EBF1: variants seen among roughly 807,000 people sequenced by gnomAD.
The protein encoded by EBF1 is EBF transcription factor 1.
A neutral mutation model predicts 68.4 loss-of-function variants in EBF1; 10 were observed. The observed-to-expected ratio is 0.15, with a 90% CI of 0.09 to 0.25. The LOEUF is 0.25. Among genes scored for constraint, EBF1 ranks in the 10% least tolerant of loss-of-function variants. The pLI, the probability that EBF1 is intolerant of heterozygous loss-of-function variation, is 1.00. For synonymous variants in EBF1, 298 were observed against 299.8 expected, an observed-to-expected ratio of 0.99 and a Z score of 0.06; for missense variants, 509 against 794.4, an observed-to-expected ratio of 0.64 and a Z score of 4.32.
intron 8 of EBF1, among the ~76,000 whole-genome samples, chr5:158,817,644 C>T (rs1435797569): frequency 1.3e-5 from 2 of 152,320 alleles, no homozygotes; most frequent in African/African-American, 4.8e-5. Flanking sequence ...TAGTAAAAAC[C>T]TACTCATCTC....
intron 8 of EBF1, among the ~76,000 whole-genome samples, chr5:158,810,606 G>C (rs1582100301): frequency 6.6e-6 from 1 of 152,076 alleles, no homozygotes; most frequent in East Asian, 1.9e-4. Context: ...GAAAAATGTG[G>C]GTTTGAACAA....
In EBF1 at chr5:158,696,400, G is replaced by T. The variant is rs538533085; in HGVS notation, c.*2711C>A. 1 of 221,912 alleles carries T rather than the reference G, an allele frequency of 4.5e-6. No individual in the cohort carries two copies. The highest frequency in any genetic ancestry group is 6.5e-5 in the East Asian group (1 of 15,346). The allele number at this position is 221,912 out of a possible 1,614,324, so 13.7% of individuals were successfully genotyped here. On this transcript the variant is annotated 3_prime_UTR_variant, in exon 16 of 16. Coordinates refer to ENST00000313708, the MANE Select transcript of EBF1 (RefSeq NM_024007.5). The stretch of plus-strand genomic sequence containing the variant: ...TTTTAAAGGCTCTTTGGACTTTCAA[G>T]AAGAGTTCTAACCACTGCACATGGC...
At chr5:158,706,125 T>C (rs781711734) in intron 15 of EBF1, among the ~76,000 whole-genome samples, 18 of 152,056 alleles carry the variant, frequency 1.2e-4, no homozygotes, top group Non-Finnish European at 2.2e-4. Context: ...TGGGTGGCTC[T>C]ACTTTGTGGA....
At chr5:158,824,737 G>A (rs1251013093) in intron 7 of EBF1, among the ~76,000 whole-genome samples, 1 of 152,218 alleles carries the variant, frequency 6.6e-6, no homozygotes, top group African/African-American at 2.4e-5. Flanking sequence ...AGGGGAAAAC[G>A]CCAGGCCCTG....
chr5:158,844,046 A>G (rs765467630), intron 6 of EBF1, among the ~76,000 whole-genome samples: 3 of 152,024 alleles, frequency 2.0e-5, no homozygotes, highest in Non-Finnish European at 4.4e-5. Flanking sequence ...TTGTCAGGAG[A>G]AAAAGTGTGG....
At chr5:159,096,848 G>C in intron 2 of EBF1, 126 bp downstream of exon 2, 1 of 1,286,032 alleles carries the variant, frequency 7.8e-7, no homozygotes, top group Non-Finnish European at 1.0e-6. Context: ...AAGTGGCTTG[G>C]GGGACCCCCA....
intron 6 of EBF1, among the ~76,000 whole-genome samples, chr5:159,032,487 C>A (rs2127748486): frequency 6.6e-6 from 1 of 152,300 alleles, no homozygotes; most frequent in African/African-American, 2.4e-5. Flanking sequence ...TGGACTATTA[C>A]ATAAAGCTGC....
chr5:158,741,033 A>G (rs1018695299), intron 10 of EBF1, among the ~76,000 whole-genome samples: 1 of 152,242 alleles, frequency 6.6e-6, no homozygotes, highest in African/African-American at 2.4e-5. Context: ...GGACATACAT[A>G]TTTGACAAAA....
chr5:158,859,026 C>G (rs546984303), intron 6 of EBF1, among the ~76,000 whole-genome samples: 272 of 152,194 alleles, frequency 1.8e-3, no homozygotes, highest in African/African-American at 6.2e-3. Flanking sequence ...AGACTTTCAC[C>G]GCAATCATTG....
intron 6 of EBF1, among the ~76,000 whole-genome samples, chr5:158,990,079 C>T (rs753191561): frequency 5.9e-5 from 9 of 152,044 alleles, no homozygotes; most frequent in Non-Finnish European, 1.0e-4. Context: ...AAAGAGGGAG[C>T]GAAATGTGAA....
intron 1 of EBF1, 51 bp downstream of exon 1, chr5:159,099,294 G>A: frequency 2.1e-6 from 3 of 1,400,620 alleles, no homozygotes; most frequent in East Asian, 5.6e-5. Flanking sequence ...TCCGCCTCCC[G>A]GCTCTCCCGC....
chr5:158,801,663 G>T (rs961355591), intron 8 of EBF1, among the ~76,000 whole-genome samples: 1 of 130,574 alleles, frequency 7.7e-6, no homozygotes, highest in Admixed American at 7.8e-5. Flanking sequence ...AGAGAGGGAA[G>T]AATTAAAAAA....
intron 6 of EBF1, among the ~76,000 whole-genome samples, chr5:159,066,320 T>C (rs1173091518): frequency 6.6e-6 from 1 of 152,200 alleles, no homozygotes; most frequent in African/African-American, 2.4e-5. Context: ...GTAGGATCAA[T>C]CTATATAATT....
At chr5:158,899,629 G>A (rs1381873367) in intron 6 of EBF1, among the ~76,000 whole-genome samples, 1 of 152,216 alleles carries the variant, frequency 6.6e-6, no homozygotes, top group South Asian at 2.1e-4. Flanking sequence ...ATCCTATAAT[G>A]TAACGACCAA....
intron 6 of EBF1, among the ~76,000 whole-genome samples, chr5:159,007,619 T>TA (rs2127668386): frequency 6.6e-6 from 1 of 152,306 alleles, no homozygotes; most frequent in South Asian, 2.1e-4. Flanking sequence ...AGAAAGCATT[T>TA]AAAAAATATA....
intron 7 of EBF1, among the ~76,000 whole-genome samples, chr5:158,836,596 C>T (rs946641730): frequency 6.6e-6 from 1 of 152,176 alleles, no homozygotes; most frequent in Non-Finnish European, 1.5e-5. Flanking sequence ...ACTCTCGAGG[C>T]AATTCATCCA....
chr5:158,866,930 A>G (rs966757620), intron 6 of EBF1, among the ~76,000 whole-genome samples: 3 of 147,978 alleles, frequency 2.0e-5, no homozygotes, highest in African/African-American at 7.5e-5. Flanking sequence ...GCACATACAG[A>G]CATACCACAC....
chr5:159,000,535 C>T (rs1054272999), intron 6 of EBF1, among the ~76,000 whole-genome samples: 16 of 152,124 alleles, frequency 1.1e-4, no homozygotes, highest in Non-Finnish European at 1.9e-4. Flanking sequence ...GTATTGCAAA[C>T]ATTTTCTCAA....
chr5:158,819,348 C>T (rs1350851920), intron 8 of EBF1, among the ~76,000 whole-genome samples: 2 of 152,192 alleles, frequency 1.3e-5, no homozygotes, highest in African/African-American at 4.8e-5. Context: ...GGCACTTTGC[C>T]TTGTTGCATA....
Sources: allele counts gnomAD v4.1 joint callset (sites outside exome capture counted in the v4.1 genomes callset), GRCh38; gene constraint gnomAD v4.1.1; transcripts MANE v1.5; gene names NCBI Gene and HGNC (gene_info 2026-07-23, HGNC 2026-07-21).